The following NDST1 variants were observed in gnomAD, a reference collection of about 807,000 sequenced individuals.
NDST1 encodes the protein bifunctional heparan sulfate N-deacetylase/N-sulfotransferase 1.
In NDST1, 35 loss-of-function variants were observed where a neutral mutation model predicts 92.8. The observed-to-expected ratio is 0.38, with a 90% CI of 0.29 to 0.50. The LOEUF (loss-of-function observed/expected upper bound fraction) is 0.50, where lower values mean the gene tolerates loss of function less well. NDST1 is among the 20% of genes least tolerant of loss of function. The pLI is 0.94. For missense variants in NDST1, 822 were observed against 1,182.7 expected (o/e 0.69, Z 4.47); for synonymous variants, 493 against 500.3 (o/e 0.99, Z 0.19).
intron 2 of NDST1, among the ~76,000 whole-genome samples, chr5:150,522,309 CA>C (rs1208090522): frequency 1.3e-5 from 2 of 152,076 alleles, no homozygotes; most frequent in Non-Finnish European, 2.9e-5. Flanking sequence ...AGCCATTTTG[CA>C]TGAGGAGAAA....
At chr5:150,499,023 A>G (rs2151231427) in intron 1 of NDST1, among the ~76,000 whole-genome samples, 1 of 152,250 alleles carries the variant, frequency 6.6e-6, no homozygotes, top group South Asian at 2.1e-4. Context: ...AGCCTTCTCC[A>G]TCCTTGCAGC....
upstream of NDST1, among the ~76,000 whole-genome samples, chr5:150,503,481 G>A (rs934110266): frequency 9.9e-5 from 15 of 152,266 alleles, no homozygotes; most frequent in African/African-American, 3.1e-4. Flanking sequence ...AAAGCACTTA[G>A]CAAGGCCCTG....
At position 150,558,054 on chromosome 5, in the gene NDST1, C is replaced by T. The variant is rs1330631248; in HGVS notation, c.*4722C>T. On this transcript the variant is annotated 3_prime_UTR_variant, in exon 15 of 15. Transcript: ENST00000261797. ...GGGAAGCAGGCAGAGGTTTCCTTCC[C>T]TTGTAGGGGGGTGGGGAGAGTGGGG... 1 of 128,452 alleles carries T rather than the reference C, an allele frequency of 7.8e-6. No homozygotes were observed. Among genetic ancestry groups the T allele is most frequent in the Non-Finnish European group, 1.6e-5 (1 of 63,158 alleles). The allele number at this position is 128,452 out of a possible 1,614,324, so 8.0% of individuals were successfully genotyped here.
chr5:150,509,275 G>A lies in NDST1; in HGVS notation c.-388+1049G>A, dbSNP rs538975362. Among the ~76,000 whole-genome samples the A allele has an allele frequency of 5.3e-5, 8 of 152,316 alleles. No homozygotes were observed. The East Asian group carries it at 1.5e-3, about 29-fold the overall frequency. On this transcript the variant is annotated intron_variant, in intron 1 of 14. Transcript: ENST00000261797. Reference sequence around the variant, plus strand: ...CCACATTTCCCAGCTCCTCTGCAGGGGAGGCAGATAGGGGAGAAGCTCAGG... The same window carrying A: ...CCACATTTCCCAGCTCCTCTGCAGGAGAGGCAGATAGGGGAGAAGCTCAGG...
At position 150,554,335 on chromosome 5, in the gene NDST1, TTA is replaced by T. The variant is rs55954668; in HGVS notation, c.*1026_*1027del. 2.7e-3 allele frequency: 376 copies of T among 138,220 alleles called. No homozygotes were observed. The highest frequency in any genetic ancestry group is 7.7e-3 in the East Asian group (40 of 5,170). The allele number at this position is 138,220 out of a possible 1,614,324, so 8.6% of individuals were successfully genotyped here. A position where few individuals can be genotyped will look rare whatever the true frequency, so the allele number is the denominator to read the frequency against. ...CCCTGGGTGCTGGGGTCGCACTGTG[TTA>T]TATATATATATATATATATATAATG... On this transcript the variant is annotated 3_prime_UTR_variant, in exon 15 of 15. Transcript: ENST00000261797.
At chr5:150,519,108 A>G (rs968235886) in intron 1 of NDST1, among the ~76,000 whole-genome samples, 1 of 152,020 alleles carries the variant, frequency 6.6e-6, no homozygotes, top group African/African-American at 2.4e-5. Flanking sequence ...ACAATCTCCC[A>G]TTGTTTGGGA....
intron 7 of NDST1, 25 bp downstream of exon 7, chr5:150,539,381 G>T (rs1235964864): frequency 6.2e-7 from 1 of 1,613,684 alleles, no homozygotes; most frequent in Non-Finnish European, 8.5e-7. Flanking sequence ...GCCCATGGCT[G>T]CTGGTGAGAA....
At chr5:150,538,843 C>G (rs961801513) in intron 6 of NDST1, among the ~76,000 whole-genome samples, 1 of 152,192 alleles carries the variant, frequency 6.6e-6, no homozygotes, top group African/African-American at 2.4e-5. Context: ...ATGGCTAAGC[C>G]AGTGTGTGAC....
intron 9 of NDST1, 70 bp downstream of exon 9, chr5:150,541,736 G>C: frequency 7.1e-7 from 1 of 1,415,494 alleles, no homozygotes; most frequent in South Asian, 1.2e-5. Flanking sequence ...TCTGAGGACT[G>C]CCTTGCCCTG....
chr5:150,553,541 C>T lies in NDST1; in HGVS notation c.*209C>T, dbSNP rs1755807258. Reference sequence around the variant, plus strand: ...CCGCTGGGTCTGCGGCCTAAGGGACCTCCCTCGCCAGCAGAGGTCCATTCC... The same window carrying T: ...CCGCTGGGTCTGCGGCCTAAGGGACTTCCCTCGCCAGCAGAGGTCCATTCC... On this transcript the variant is annotated 3_prime_UTR_variant, in exon 15 of 15. Transcript: ENST00000261797. This position sits in a 1 kb window ranked among gnomAD's most constrained non-coding sequence, Gnocchi z 4.2. 13 of 622,588 alleles carry T rather than the reference C, an allele frequency of 2.1e-5. No individual in the cohort carries two copies. The Middle Eastern group carries it at 1.4e-3, about 67-fold the overall frequency. 38.6% of individuals were successfully genotyped at this position (622,588 alleles called of 1,614,324 possible). A position where few individuals can be genotyped will look rare whatever the true frequency, so the allele number is the denominator to read the frequency against.
At position 150,509,874 on chromosome 5, in the gene NDST1, C is replaced by T. The variant is rs559271141; in HGVS notation, c.-388+1648C>T. Among the ~76,000 whole-genome samples the T allele has an allele frequency of 7.2e-5, 11 of 152,298 alleles. No individual in the cohort carries two copies. In the South Asian group the frequency reaches 1.0e-3, roughly 14 times the overall value. ...TGAGGACCCTCTGGCTGAAGTCCTG[C>T]CTTGCTGGGTTCCATGGTGCACCTC... On this transcript the variant is annotated intron_variant, in intron 1 of 14. Transcript: ENST00000261797.
intron 1 of NDST1, among the ~76,000 whole-genome samples, chr5:150,513,852 G>A (rs1317835584): frequency 1.3e-5 from 2 of 152,252 alleles, no homozygotes; most frequent in African/African-American, 4.8e-5. Context: ...GCATTTTCAG[G>A]TGGGGATGTT....
rs766823093 is a variant in NDST1 at position 150,539,216 on chromosome 5, C to A, written c.1438-12C>A. ...AAGGCACCATAGCTCCTCTCCCCCACCCCCTCCTCAGGTTCTCCCACGGCA... is the reference window on the plus strand; with the variant it reads ...AAGGCACCATAGCTCCTCTCCCCCAACCCCTCCTCAGGTTCTCCCACGGCA... On this transcript the variant is annotated splice_polypyrimidine_tract_variant and intron_variant, in intron 6 of 14. Transcript: ENST00000261797. The A allele has an allele frequency of 1.1e-5, 18 of 1,609,532 alleles. No homozygotes were observed. The highest frequency in any genetic ancestry group is 1.5e-5 in the Non-Finnish European group (18 of 1,176,164).
intron 13 of NDST1, among the ~76,000 whole-genome samples, chr5:150,551,152 A>G (rs1414382990): frequency 6.6e-6 from 1 of 152,184 alleles, no homozygotes; most frequent in Non-Finnish European, 1.5e-5. Context: ...CTCCCTTCCC[A>G]TAACAGCTTC....
intron 4 of NDST1, 125 bp from the exon 5 acceptor site, chr5:150,534,742 C>A: frequency 8.7e-7 from 1 of 1,148,732 alleles, no homozygotes; most frequent in Non-Finnish European, 1.3e-6. Flanking sequence ...GTGCTGTAGC[C>A]CAGATAACTC....
intron 10 of NDST1, 92 bp downstream of exon 10, chr5:150,543,063 C>T: frequency 6.6e-7 from 1 of 1,520,228 alleles, no homozygotes; most frequent in East Asian, 2.3e-5. Flanking sequence ...GCAGCTGGAG[C>T]TTGCTCACAC....
chr5:150,535,933 G>A, intron 6 of NDST1, 48 bp downstream of exon 6: 3 of 1,579,076 alleles, frequency 1.9e-6, no homozygotes, highest in Non-Finnish European at 2.6e-6. Flanking sequence ...GGAGAGCACA[G>A]TCTGTCATGT....
chr5:150,520,467 A>G (rs1210627352), intron 1 of NDST1, among the ~76,000 whole-genome samples: 1 of 151,798 alleles, frequency 6.6e-6, no homozygotes, highest in Non-Finnish European at 1.5e-5. Flanking sequence ...TTAGAATTCT[A>G]CCTCTAGTTC....
In NDST1 at chr5:150,554,235, C is replaced by T; in HGVS notation, c.*903C>T. ...GTGGCCGAGGGCTCTCAGAGACCCCCTTAACCTCCCAAATACTAAGAAGCT... is the reference window on the plus strand; with the variant it reads ...GTGGCCGAGGGCTCTCAGAGACCCCTTTAACCTCCCAAATACTAAGAAGCT... On this transcript the variant is annotated 3_prime_UTR_variant, in exon 15 of 15. Coordinates refer to ENST00000261797, the MANE Select transcript of NDST1 (RefSeq NM_001543.5). The T allele has an allele frequency of 2.5e-6, 1 of 397,566 alleles. No homozygotes were observed. The highest frequency in any genetic ancestry group is 4.4e-5 in the Admixed American group (1 of 22,662). The allele number at this position is 397,566 out of a possible 1,614,324, so 24.6% of individuals were successfully genotyped here.
Sources: gnomAD v4.1 joint callset for allele counts (sites outside exome capture counted in the v4.1 genomes callset) on GRCh38, gnomAD v4.1.1 for gene constraint, Gnocchi (gnomAD v3.1) non-coding constraint, MANE v1.5 for transcripts, NCBI Gene and HGNC (gene_info 2026-07-23, HGNC 2026-07-21) for gene names.